Variants in UNC5C observed in about 807,000 individuals in gnomAD.
UNC5C encodes the protein netrin receptor UNC5C.
A neutral mutation model predicts 99.8 loss-of-function variants in UNC5C; 47 were observed. That is an observed-to-expected ratio of 0.47 (90% confidence interval 0.37 to 0.60). The LOEUF (loss-of-function observed/expected upper bound fraction) is 0.60, where lower values mean the gene tolerates loss of function less well. UNC5C is among the 20% of genes least tolerant of loss of function. The pLI is 0.00. For missense variants in UNC5C, 1,062 were observed against 1,165.9 expected, an observed-to-expected ratio of 0.91 and a Z score of 1.30; for synonymous variants, 487 against 452.2, an observed-to-expected ratio of 1.08 and a Z score of -0.98.
intron 1 of UNC5C, among the ~76,000 whole-genome samples, chr4:95,457,540 T>C (rs1416799460): frequency 6.6e-6 from 1 of 152,142 alleles, no homozygotes; most frequent in Non-Finnish European, 1.5e-5. Flanking sequence ...AGCACACGGC[T>C]GAACGGCTTC....
At chr4:95,411,125 C>T (rs866966605) in intron 1 of UNC5C, among the ~76,000 whole-genome samples, 11 of 152,186 alleles carry the variant, frequency 7.2e-5, no homozygotes, top group Middle Eastern at 3.4e-3. Context: ...AAACACATGC[C>T]ACAGCCCCTC....
Position 95,548,859 on chromosome 4 carries a change from G to A in UNC5C, c.-2C>T. 2.5e-6 allele frequency: 4 copies of A among 1,612,704 alleles called. No homozygotes were observed. Among genetic ancestry groups the A allele is most frequent in the South Asian group, 1.1e-5 (1 of 91,032 alleles). The stretch of plus-strand genomic sequence containing the variant: ...TGTCGCCCGCAGACCTTTCCTCATC[G>A]TAGACAGAGGTGTGCCGGGGGGAGG... On this transcript the variant is annotated 5_prime_UTR_variant, in exon 1 of 16. It adds an upstream start codon to the 5' untranslated region. Coordinates refer to ENST00000453304, the MANE Select transcript of UNC5C (RefSeq NM_003728.4).
At chr4:95,190,525 C>T (rs1028143455) in intron 12 of UNC5C, among the ~76,000 whole-genome samples, 4 of 152,046 alleles carry the variant, frequency 2.6e-5, no homozygotes, top group Non-Finnish European at 1.5e-5. Flanking sequence ...AAAGTCTTGC[C>T]TTGTTGCTCC....
intron 8 of UNC5C, 85 bp from the exon 9 acceptor site, chr4:95,219,398 A>T: frequency 7.4e-7 from 1 of 1,343,666 alleles, no homozygotes; most frequent in Non-Finnish European, 1.0e-6. Flanking sequence ...ACACTTTCTG[A>T]GCCGAAAGTA....
chr4:95,220,270 CT>C (rs529151682), intron 7 of UNC5C, 94 bp from the exon 8 acceptor site: 3 of 1,164,654 alleles, frequency 2.6e-6, no homozygotes, highest in African/African-American at 1.6e-5. Flanking sequence ...CATTTACTGC[CT>C]TTTTTATAGG....
At chr4:95,175,747 T>C (rs1736315393) in intron 14 of UNC5C, among the ~76,000 whole-genome samples, 1 of 151,650 alleles carries the variant, frequency 6.6e-6, no homozygotes, top group African/African-American at 2.4e-5. Context: ...TTGAGGAGTA[T>C]CTTTGTGGCA....
At chr4:95,544,567 TC>T (rs888862897) in intron 1 of UNC5C, among the ~76,000 whole-genome samples, 36 of 152,334 alleles carry the variant, frequency 2.4e-4, no homozygotes, top group Non-Finnish European at 4.6e-4. Context: ...TCTACTTCTG[TC>T]TTCCTGTAGG....
intron 1 of UNC5C, among the ~76,000 whole-genome samples, chr4:95,507,410 T>G (rs1310931142): frequency 6.6e-6 from 1 of 152,034 alleles, no homozygotes; most frequent in Non-Finnish European, 1.5e-5. Flanking sequence ...CTGCCACCCC[T>G]CTTCCTGGTT....
intron 1 of UNC5C, among the ~76,000 whole-genome samples, chr4:95,533,010 G>A (rs539100216): frequency 6.6e-6 from 1 of 152,176 alleles, no homozygotes; most frequent in Admixed American, 6.5e-5. Context: ...AGAAAGGACA[G>A]GAAGCAGGAA....
rs568333295 is a variant in UNC5C at position 95,203,757 on chromosome 4, C to T, written c.1903-793G>A. Among the ~76,000 whole-genome samples, 665 of 152,316 alleles carry T rather than the reference C, an allele frequency of 4.4e-3. 3 individuals carry two copies. The highest frequency in any genetic ancestry group is 0.031 in the Middle Eastern group (9 of 294). ...GGGATTACAGGTGTGAGCCACCACG[C>T]CCAGCCACAACTTTTTAACATGTTT... is the stretch of plus-strand genomic sequence containing the variant. On this transcript the variant is annotated intron_variant, in intron 11 of 15. Coordinates refer to ENST00000453304, the MANE Select transcript of UNC5C (RefSeq NM_003728.4).
At chr4:95,341,812 G>C (rs916809947) in intron 1 of UNC5C, among the ~76,000 whole-genome samples, 2 of 152,174 alleles carry the variant, frequency 1.3e-5, no homozygotes, top group African/African-American at 4.8e-5. Flanking sequence ...ACTCCCAGCA[G>C]TAGCTGTGAG....
intron 1 of UNC5C, among the ~76,000 whole-genome samples, chr4:95,487,011 C>A (rs1721344855): frequency 6.6e-6 from 1 of 151,692 alleles, no homozygotes; most frequent in Admixed American, 6.6e-5. Flanking sequence ...CTCGCTCACT[C>A]TTTGGCCTTT....
chr4:95,362,876 T>C (rs1579358891), intron 1 of UNC5C, among the ~76,000 whole-genome samples: 1 of 151,722 alleles, frequency 6.6e-6, no homozygotes, highest in East Asian at 1.9e-4. Flanking sequence ...TATAAAGGAG[T>C]TTATAGGCAA....
intron 10 of UNC5C, among the ~76,000 whole-genome samples, chr4:95,214,071 G>A (rs1171655185): frequency 2.6e-5 from 4 of 152,180 alleles, no homozygotes; most frequent in South Asian, 2.1e-4. Context: ...CTTGCAGAAC[G>A]TAGTGAGAAG....
intron 11 of UNC5C, among the ~76,000 whole-genome samples, chr4:95,204,433 G>A (rs1403615422): frequency 2.0e-5 from 3 of 152,288 alleles, no homozygotes; most frequent in Non-Finnish European, 2.9e-5. Flanking sequence ...AGACTGTGGC[G>A]AACCAGAGTG....
At chr4:95,353,852 C>T (rs1297861982) in intron 1 of UNC5C, among the ~76,000 whole-genome samples, 1 of 151,962 alleles carries the variant, frequency 6.6e-6, no homozygotes, top group Non-Finnish European at 1.5e-5. Context: ...TTAAGATTTT[C>T]TTTAAAAATT....
intron 1 of UNC5C, among the ~76,000 whole-genome samples, chr4:95,465,506 C>T (rs1747745105): frequency 6.6e-6 from 1 of 151,778 alleles, no homozygotes; most frequent in Non-Finnish European, 1.5e-5. Context: ...CCTAGCTCCT[C>T]TGGAGGTGTT....
intron 1 of UNC5C, among the ~76,000 whole-genome samples, chr4:95,545,770 G>GCACACACACACA (rs1222846222): frequency 2.3e-5 from 3 of 130,510 alleles, no homozygotes; most frequent in Admixed American, 1.5e-4. Context: ...ACGCGCGCGC[G>GCACACACACACA]CGCACACACA....
chr4:95,548,355 T>C (rs1166242623), intron 1 of UNC5C, among the ~76,000 whole-genome samples: 1 of 151,880 alleles, frequency 6.6e-6, no homozygotes, highest in Admixed American at 6.6e-5. Context: ...CTACGGTATG[T>C]CACACAGCCA....
Sources: gnomAD v4.1 joint callset for allele counts (sites outside exome capture counted in the v4.1 genomes callset) on GRCh38, gnomAD v4.1.1 for gene constraint, MANE v1.5 for transcripts, NCBI Gene and HGNC (gene_info 2026-07-23, HGNC 2026-07-21) for gene names.